Variants in MTRF1 observed in about 807,000 individuals in gnomAD.
MTRF1 encodes mitochondrial translation release factor 1.
Under a neutral mutation model 62.9 loss-of-function variants are expected in MTRF1, and 51 were observed. That is an observed-to-expected ratio of 0.81 (90% confidence interval 0.65 to 1.02). MTRF1 has a LOEUF of 1.02. Among genes scored for constraint, MTRF1 ranks in the 50% least tolerant of loss-of-function variants. MTRF1 has a pLI of 0.00. For synonymous variants in MTRF1, 158 were observed against 181.9 expected, an observed-to-expected ratio of 0.87 and a Z score of 1.06; for missense variants, 446 against 530.0, an observed-to-expected ratio of 0.84 and a Z score of 1.56.
the MTRF1 span, among the ~76,000 whole-genome samples, chr13:41,279,678 A>G: frequency 3.5e-4 from 53 of 152,248 alleles, no homozygotes; most frequent in African/African-American, 1.3e-3. Flanking sequence ...TGAGACACGG[A>G]AAAAAATATT....
chr13:41,228,497 C>T (rs748882648), intron 7 of MTRF1, among the ~76,000 whole-genome samples: 2 of 152,032 alleles, frequency 1.3e-5, no homozygotes, highest in African/African-American at 2.4e-5. Flanking sequence ...GCCAAGAGTT[C>T]GAGGTTACAG....
chr13:41,286,460 C>A, the MTRF1 span, among the ~76,000 whole-genome samples: 1 of 152,292 alleles, frequency 6.6e-6, no homozygotes, highest in African/African-American at 2.4e-5. Flanking sequence ...ACTTACGGTT[C>A]TTCTACTTGC....
At chr13:41,270,822 C>A in the MTRF1 span, among the ~76,000 whole-genome samples, 1 of 151,702 alleles carries the variant, frequency 6.6e-6, no homozygotes, top group Non-Finnish European at 1.5e-5. Context: ...CTCACTGTAA[C>A]CTCTGCCTCC....
the MTRF1 span, among the ~76,000 whole-genome samples, chr13:41,308,183 T>C: frequency 1.2e-3 from 189 of 152,294 alleles, 1 homozygote; most frequent in Non-Finnish European, 1.8e-3. Flanking sequence ...GTTAATGATT[T>C]GTAGTAAATA....
chr13:41,310,580 G>A, the MTRF1 span, among the ~76,000 whole-genome samples: 48 of 152,360 alleles, frequency 3.2e-4, no homozygotes, highest in African/African-American at 1.1e-3. Flanking sequence ...TGAGGCAGGA[G>A]AATCCTTTGA....
the MTRF1 span, among the ~76,000 whole-genome samples, chr13:41,275,883 C>T: frequency 3.3e-5 from 5 of 152,066 alleles, no homozygotes; most frequent in African/African-American, 7.2e-5. Context: ...ATTAAGCAAG[C>T]GTTAATTGCA....
At chr13:41,236,756 A>G (rs2036654139) in intron 6 of MTRF1, 1 of 152,238 alleles carries the variant, frequency 6.6e-6, no homozygotes, top group African/African-American at 2.4e-5. Flanking sequence ...TGGATATCAT[A>G]TGTCACATTC....
chr13:41,275,791 C>T, the MTRF1 span, among the ~76,000 whole-genome samples: 1 of 152,138 alleles, frequency 6.6e-6, no homozygotes, highest in Non-Finnish European at 1.5e-5. Flanking sequence ...CTGTGCCCAG[C>T]CTAAGAACAG....
chr13:41,221,521 T>C (rs2033371882), intron 9 of MTRF1, among the ~76,000 whole-genome samples: 1 of 152,192 alleles, frequency 6.6e-6, no homozygotes, highest in South Asian at 2.1e-4. Context: ...TTACTACAGC[T>C]ACCTTTTTTC....
At chr13:41,273,619 C>T in the MTRF1 span, among the ~76,000 whole-genome samples, 1 of 152,050 alleles carries the variant, frequency 6.6e-6, no homozygotes, top group South Asian at 2.1e-4. Context: ...AGGTGGATCA[C>T]CTGAGGTCAG....
At chr13:41,253,860 T>C (rs947330204) in intron 3 of MTRF1, among the ~76,000 whole-genome samples, 2 of 152,180 alleles carry the variant, frequency 1.3e-5, no homozygotes, top group African/African-American at 2.4e-5. Flanking sequence ...AGCCCCTCTA[T>C]TGGATTCCCA....
chr13:41,264,850 C>T (rs115371223), upstream of MTRF1, among the ~76,000 whole-genome samples: 2,100 of 152,108 alleles, frequency 0.014, 51 homozygotes, highest in African/African-American at 0.048. Flanking sequence ...ATAGGGCCAC[C>T]CTGCTCCAAA....
intron 9 of MTRF1, among the ~76,000 whole-genome samples, chr13:41,220,323 GGA>G (rs374790570): frequency 0.5 from 45,464 of 91,610 alleles, 8,979 homozygotes; most frequent in Admixed American, 0.55. Flanking sequence ...AATCTGTCTC[GGA>G]AAAAAAAAAA....
chr13:41,311,992 C>T, the MTRF1 span, among the ~76,000 whole-genome samples: 2 of 152,250 alleles, frequency 1.3e-5, no homozygotes, highest in Admixed American at 6.5e-5. Flanking sequence ...TTGCGTTCTG[C>T]ATTCTCTGCT....
chr13:41,221,205 G>A (rs1463067588), intron 9 of MTRF1, among the ~76,000 whole-genome samples: 1 of 149,806 alleles, frequency 6.7e-6, no homozygotes, highest in Non-Finnish European at 1.5e-5. Flanking sequence ...CGCCCAGGCT[G>A]GAGTGCGGTG....
chr13:41,297,538 A>G, the MTRF1 span, among the ~76,000 whole-genome samples: 1 of 151,070 alleles, frequency 6.6e-6, no homozygotes, highest in Non-Finnish European at 1.5e-5. Flanking sequence ...AATCCCTGGT[A>G]CTCCAAAAGC....
At chr13:41,233,232 G>A (rs1281193846) in intron 7 of MTRF1, among the ~76,000 whole-genome samples, 1 of 152,116 alleles carries the variant, frequency 6.6e-6, no homozygotes, top group Non-Finnish European at 1.5e-5. Flanking sequence ...AGCTAGAGAA[G>A]TGAGTAAAAA....
the MTRF1 span, among the ~76,000 whole-genome samples, chr13:41,283,382 C>T: frequency 6.6e-6 from 1 of 152,082 alleles, no homozygotes; most frequent in African/African-American, 2.4e-5. Flanking sequence ...GGGGTAGCTT[C>T]AATTAATGTC....
chr13:41,281,487 T>G, the MTRF1 span, among the ~76,000 whole-genome samples: 1 of 152,096 alleles, frequency 6.6e-6, no homozygotes. Context: ...TAGTCCCGAG[T>G]GCTACCAGTA....
Sources: gnomAD v4.1 joint callset for allele counts (sites outside exome capture counted in the v4.1 genomes callset) on GRCh38, gnomAD v4.1.1 for gene constraint, MANE v1.5 for transcripts, NCBI Gene and HGNC (gene_info 2026-07-23, HGNC 2026-07-21) for gene names.